Variants in GLRX3 observed in about 807,000 individuals in gnomAD.
GLRX3 encodes the protein glutaredoxin-3.
GLRX3 carries 22 observed loss-of-function variants against 49.5 expected under a neutral mutation model. The ratio of observed to expected loss-of-function variants is 0.44; its 90% CI spans 0.32 to 0.63. The LOEUF (loss-of-function observed/expected upper bound fraction) is 0.63. GLRX3 is among the 30% of genes least tolerant of loss of function. The pLI, the probability that GLRX3 is intolerant of heterozygous loss-of-function variation, is 0.05. For synonymous variants in GLRX3, 133 were observed against 140.0 expected (o/e 0.95, Z 0.35); for missense variants, 385 against 396.3 (o/e 0.97, Z 0.24).
At chr10:130,136,604 G>C in intron 1 of GLRX3, 92 bp downstream of exon 1, 1 of 1,221,940 alleles carries the variant, frequency 8.2e-7, no homozygotes, top group Non-Finnish European at 1.0e-6. Context: ...GCCCAGCCTG[G>C]CTTCTTGGTG....
chr10:130,159,878 A>T, intron 2 of GLRX3, 117 bp from the exon 3 acceptor site: 1 of 1,343,776 alleles, frequency 7.4e-7, no homozygotes, highest in Non-Finnish European at 1.0e-6. Flanking sequence ...CTTTTGTACC[A>T]TGCTCTTTAA....
intron 8 of GLRX3, among the ~76,000 whole-genome samples, chr10:130,172,644 C>T (rs1318378343): frequency 6.6e-6 from 1 of 152,050 alleles, no homozygotes; most frequent in Non-Finnish European, 1.5e-5. Context: ...ATTTCAGGGA[C>T]ATAAAAAGAA....
At position 130,137,951 on chromosome 10, in the gene GLRX3, G is replaced by A. The variant is rs528384460; in HGVS notation, c.92+1439G>A. 1.2e-4 allele frequency among the ~76,000 whole-genome samples: 19 copies of A among 152,138 alleles called. No homozygotes were observed. In the East Asian group the frequency reaches 3.5e-3, roughly 28 times the overall value. On this transcript the variant is annotated intron_variant, in intron 1 of 10. Transcript: ENST00000331244. ...AGGTCTCGCCATGTTGCCCAGCCTC[G>A]TCTCGACCTTCTGGACTCGAGCGAT...
intron 2 of GLRX3, among the ~76,000 whole-genome samples, chr10:130,158,511 T>C (rs1862519206): frequency 6.6e-6 from 1 of 152,220 alleles, no homozygotes; most frequent in Non-Finnish European, 1.5e-5. Context: ...TATTACTTGT[T>C]GGTTAGAATT....
rs1565000607 is a variant in GLRX3, at chr10:130,174,926, T to C, written c.864+20T>C. Reference sequence around the variant, plus strand: ...GAAGAAGTAAGTTCTGTGTTTGATGTTTCACCCTTGTCTTAGCTTTAATCT... The same window carrying C: ...GAAGAAGTAAGTTCTGTGTTTGATGCTTCACCCTTGTCTTAGCTTTAATCT... On this transcript the variant is annotated intron_variant, in intron 9 of 10. Coordinates refer to ENST00000331244, the MANE Select transcript of GLRX3 (RefSeq NM_006541.5). 1 of 1,591,534 alleles carries C rather than the reference T, an allele frequency of 6.3e-7. No homozygotes were observed.
chr10:130,145,387 G>C, intron 2 of GLRX3, 68 bp downstream of exon 2: 1 of 792,218 alleles, frequency 1.3e-6, no homozygotes, highest in Non-Finnish European at 2.2e-6. Flanking sequence ...TTAGGGCTGG[G>C]TGCGGTAGCT....
At chr10:130,167,923 T>G (rs908960837) in intron 6 of GLRX3, among the ~76,000 whole-genome samples, 1 of 152,190 alleles carries the variant, frequency 6.6e-6, no homozygotes, top group African/African-American at 2.4e-5. Flanking sequence ...TCTTCATGTG[T>G]GGTTCTTGCC....
At chr10:130,139,018 C>T (rs544542114) in intron 1 of GLRX3, among the ~76,000 whole-genome samples, 23 of 151,758 alleles carry the variant, frequency 1.5e-4, no homozygotes, top group African/African-American at 5.1e-4. Context: ...CCCGCCACCA[C>T]GCCTGGCTAA....
chr10:130,144,866 T>G (rs1212258729), intron 1 of GLRX3, among the ~76,000 whole-genome samples: 1 of 152,234 alleles, frequency 6.6e-6, no homozygotes, highest in Non-Finnish European at 1.5e-5. Context: ...TGGTTCTAGA[T>G]CCTTGAGGAA....
intron 3 of GLRX3, 66 bp from the exon 4 acceptor site, chr10:130,160,730 A>C: frequency 3.2e-6 from 3 of 926,118 alleles, no homozygotes; most frequent in Non-Finnish European, 5.3e-6. Flanking sequence ...CCCTTTAAAA[A>C]TCTGCTATAA....
chr10:130,155,168 T>C (rs1366594530), intron 2 of GLRX3, among the ~76,000 whole-genome samples: 1 of 152,112 alleles, frequency 6.6e-6, no homozygotes, highest in African/African-American at 2.4e-5. Flanking sequence ...GAGCCAGCCA[T>C]TGGGAGAGCT....
At chr10:130,171,395 C>T (rs987217778) in intron 7 of GLRX3, among the ~76,000 whole-genome samples, 189 bp from the exon 8 acceptor site, 3 of 151,982 alleles carry the variant, frequency 2.0e-5, no homozygotes, top group Non-Finnish European at 2.9e-5. Context: ...CTGTGGGTCA[C>T]GTGTGCCTGG....
intron 10 of GLRX3, among the ~76,000 whole-genome samples, chr10:130,178,005 G>A (rs1235386486): frequency 2.0e-5 from 3 of 152,144 alleles, no homozygotes; most frequent in African/African-American, 7.2e-5. Flanking sequence ...GGAGCATGGC[G>A]CCTGTACTGC....
chr10:130,173,449 T>A (rs1862853865), intron 8 of GLRX3, among the ~76,000 whole-genome samples: 1 of 152,218 alleles, frequency 6.6e-6, no homozygotes, highest in African/African-American at 2.4e-5. Flanking sequence ...GGGCGCCAAA[T>A]GTATGTGGAG....
chr10:130,165,578 A>G (rs930360007), intron 4 of GLRX3, among the ~76,000 whole-genome samples: 34 of 152,216 alleles, frequency 2.2e-4, no homozygotes, highest in African/African-American at 7.5e-4. Context: ...AATACCGTCA[A>G]TCTATTGATG....
At chr10:130,142,756 C>T (rs1043100476) in intron 1 of GLRX3, among the ~76,000 whole-genome samples, 2 of 152,122 alleles carry the variant, frequency 1.3e-5, no homozygotes, top group African/African-American at 4.8e-5. Context: ...CCTCTTGACA[C>T]TCTTCTCTTG....
At chr10:130,144,660 AG>A (rs1342923392) in intron 1 of GLRX3, among the ~76,000 whole-genome samples, 1 of 152,210 alleles carries the variant, frequency 6.6e-6, no homozygotes, top group African/African-American at 2.4e-5. Context: ...ATGACTGCAT[AG>A]TATTCCATGG....
intron 2 of GLRX3, among the ~76,000 whole-genome samples, chr10:130,145,848 C>T (rs888702558): frequency 6.6e-6 from 1 of 151,572 alleles, no homozygotes; most frequent in African/African-American, 2.4e-5. Context: ...GTCGCCCAGG[C>T]TGGAGTGCAG....
chr10:130,168,170 T>C (rs993619965), intron 6 of GLRX3, among the ~76,000 whole-genome samples: 1 of 152,204 alleles, frequency 6.6e-6, no homozygotes, highest in Admixed American at 6.5e-5. Context: ...AAATTCAGCA[T>C]ATTTGGAGTA....
Sources: gnomAD v4.1 joint callset for allele counts (sites outside exome capture counted in the v4.1 genomes callset) on GRCh38, gnomAD v4.1.1 for gene constraint, MANE v1.5 for transcripts, NCBI Gene and HGNC (gene_info 2026-07-23, HGNC 2026-07-21) for gene names.